GRIK4: variants seen among roughly 807,000 people sequenced by gnomAD.
The protein encoded by GRIK4 is glutamate receptor ionotropic, kainate 4.
In GRIK4, 40 loss-of-function variants were observed where a neutral mutation model predicts 104.9. The ratio of observed to expected loss-of-function variants is 0.38; its 90% CI spans 0.30 to 0.50. The LOEUF is 0.50. Among genes scored for constraint, GRIK4 ranks in the 20% least tolerant of loss-of-function variants. The probability of loss-of-function intolerance (pLI) is 0.93; values close to 1 mark genes in which losing one functional copy is unlikely to be tolerated. For synonymous variants in GRIK4, 485 were observed against 524.9 expected, an observed-to-expected ratio of 0.92 and a Z score of 1.04; for missense variants, 1,047 against 1,308.1, an observed-to-expected ratio of 0.80 and a Z score of 3.08.
At position 120,898,722 on chromosome 11, in the gene GRIK4, CA is replaced by C. The variant is rs1942652891; in HGVS notation, c.1272+84del. ...GAGCACTCACAGGCTGCCCCTTGAA[CA>C]GAAGATGGGAGCTCTAATCACAGCA... On this transcript the variant is annotated intron_variant, in intron 12 of 20. Transcript: ENST00000527524. 4 of 764,394 alleles carry C rather than the reference CA, an allele frequency of 5.2e-6. No individual in the cohort carries two copies. In the East Asian group the frequency reaches 1.0e-4, roughly 20 times the overall value. 47.4% of individuals were successfully genotyped at this position (764,394 alleles called of 1,614,324 possible). A position where few individuals can be genotyped will look rare whatever the true frequency, so the allele number is the denominator to read the frequency against.
At chr11:120,775,331 G>A (rs1237486185) in intron 3 of GRIK4, among the ~76,000 whole-genome samples, 1 of 152,204 alleles carries the variant, frequency 6.6e-6, no homozygotes, top group Non-Finnish European at 1.5e-5. Flanking sequence ...ATGACGGGGA[G>A]GAGGAGGAAG....
chr11:120,523,400 C>T (rs1349588228), intron 1 of GRIK4, among the ~76,000 whole-genome samples: 1 of 152,002 alleles, frequency 6.6e-6, no homozygotes, highest in African/African-American at 2.4e-5. Flanking sequence ...CTCTTGCCCT[C>T]AGCTCCTTTG....
At chr11:120,886,015 C>G (rs1955110071) in intron 11 of GRIK4, among the ~76,000 whole-genome samples, 2 of 152,202 alleles carry the variant, frequency 1.3e-5, no homozygotes, top group South Asian at 4.1e-4. Flanking sequence ...GGATGGAAGT[C>G]TGGGCAGGTC....
At chr11:120,710,393 C>T (rs1257883545) in intron 3 of GRIK4, among the ~76,000 whole-genome samples, 1 of 152,172 alleles carries the variant, frequency 6.6e-6, no homozygotes, top group Non-Finnish European at 1.5e-5. Context: ...AGTCAAGATA[C>T]AGTTCGGACC....
Position 120,956,894 on chromosome 11 carries a change from G to A in GRIK4, c.1815G>A (p.Met605Ile). Reference sequence around the variant, plus strand: ...TCTGGTTTCCGGTCGGGGGGTTCATGCAGCAAGGCTCCACCATCGCCCCTC... The same window carrying A: ...TCTGGTTTCCGGTCGGGGGGTTCATACAGCAAGGCTCCACCATCGCCCCTC... ...NSLWFPVGGFMQQGSTIAPRA... is the reference protein window; with the variant it reads ...NSLWFPVGGFIQQGSTIAPRA... Residue 605 changes from methionine to isoleucine, a missense_variant, in exon 16 of 21, where the codon ATG becomes ATA. Coordinates refer to ENST00000527524, the MANE Select transcript of GRIK4 (RefSeq NM_014619.5). This position sits in a 1 kb window ranked among gnomAD's most constrained non-coding sequence, Gnocchi z 4.6. The A allele has an allele frequency of 6.2e-7, 1 of 1,613,980 alleles. No individual in the cohort carries two copies. The highest frequency in any genetic ancestry group is 8.5e-7 in the Non-Finnish European group (1 of 1,179,958).
chr11:120,789,492 T>C (rs561305159), intron 3 of GRIK4, among the ~76,000 whole-genome samples: 1 of 152,244 alleles, frequency 6.6e-6, no homozygotes, highest in African/African-American at 2.4e-5. Flanking sequence ...CATTTCTCTT[T>C]CCTGGACTAT....
At chr11:120,859,960 G>A (rs4331110) in intron 8 of GRIK4, among the ~76,000 whole-genome samples, 71,332 of 152,154 alleles carry the variant, frequency 0.47, 17,499 homozygotes, top group African/African-American at 0.6. Flanking sequence ...GAGGCCTGTA[G>A]CCTGAGGCCT....
chr11:120,783,573 G>C (rs1051682838), intron 3 of GRIK4, among the ~76,000 whole-genome samples: 5 of 152,112 alleles, frequency 3.3e-5, no homozygotes, highest in Non-Finnish European at 5.9e-5. Flanking sequence ...AATTTTTAGA[G>C]TGGGTAATTG....
intron 3 of GRIK4, among the ~76,000 whole-genome samples, chr11:120,797,857 C>T (rs1319136711): frequency 6.6e-6 from 1 of 152,154 alleles, no homozygotes; most frequent in East Asian, 1.9e-4. Context: ...ACAAGATTCG[C>T]ACGTTCCCTA....
At chr11:120,657,100 AC>A (rs1248946264) in intron 2 of GRIK4, among the ~76,000 whole-genome samples, 2 of 152,222 alleles carry the variant, frequency 1.3e-5, no homozygotes, top group Admixed American at 6.5e-5. Flanking sequence ...CTGGATTATT[AC>A]AGTTTTTTTC....
intron 1 of GRIK4, among the ~76,000 whole-genome samples, chr11:120,538,605 A>G (rs1291195173): frequency 1.3e-5 from 2 of 152,214 alleles, no homozygotes; most frequent in Non-Finnish European, 2.9e-5. Context: ...GGCTGGGCAG[A>G]CTGCCTCGGG....
At chr11:120,945,142 C>G (rs1943827172) in intron 14 of GRIK4, among the ~76,000 whole-genome samples, 1 of 152,214 alleles carries the variant, frequency 6.6e-6, no homozygotes, top group African/African-American at 2.4e-5. Flanking sequence ...GCTCACTGCT[C>G]TTTTGTCAGG....
At chr11:120,802,595 CT>C (rs1432204505) in intron 3 of GRIK4, 97 bp from the exon 4 acceptor site, 1 of 1,045,630 alleles carries the variant, frequency 9.6e-7, no homozygotes, top group Non-Finnish European at 1.5e-6. Context: ...GGGGTGCTGC[CT>C]GGAAGAGGAA....
At chr11:120,552,331 G>A (rs1197503759) in intron 1 of GRIK4, among the ~76,000 whole-genome samples, 1 of 152,130 alleles carries the variant, frequency 6.6e-6, no homozygotes, top group East Asian at 1.9e-4. Flanking sequence ...CCACACATTT[G>A]GTCACAGAAG....
rs190497513 is a variant in GRIK4, at chr11:120,549,402, G to A, written c.-159+37515G>A. Reference sequence around the variant, plus strand: ...ATTATAGGCGTGAGCCACCGCGCCCGGCCTTGGCTGTTCTTTAATAGAAGG... The same window carrying A: ...ATTATAGGCGTGAGCCACCGCGCCCAGCCTTGGCTGTTCTTTAATAGAAGG... On this transcript the variant is annotated intron_variant, in intron 1 of 20. Coordinates refer to ENST00000527524, the MANE Select transcript of GRIK4 (RefSeq NM_014619.5). This position sits in a 1 kb window ranked among gnomAD's most constrained non-coding sequence, Gnocchi z 4.7. 1.1e-4 allele frequency among the ~76,000 whole-genome samples: 16 copies of A among 152,238 alleles called. No homozygotes were observed. The highest frequency in any genetic ancestry group is 3.9e-4 in the African/African-American group (16 of 41,526).
chr11:120,844,893 C>T lies in GRIK4; in HGVS notation c.744+8049C>T, dbSNP rs374573075. The stretch of plus-strand genomic sequence containing the variant: ...TTGGCACCAAGAATGATCACTGAGG[C>T]AGGGGAGGGCAGAAGAGTGCAAGGA... On this transcript the variant is annotated intron_variant, in intron 8 of 20. Transcript: ENST00000527524. Among the ~76,000 whole-genome samples the T allele has an allele frequency of 1.0e-3, 155 of 152,254 alleles. 2 individuals are homozygous for T. The South Asian group carries it at 0.032, about 31-fold the overall frequency.
intron 1 of GRIK4, chr11:120,515,087 TTA>T (rs1202212842): frequency 2.2e-6 from 1 of 455,320 alleles, no homozygotes; most frequent in Non-Finnish European, 4.4e-6. Flanking sequence ...GACCCCAACT[TTA>T]TGTCACAACG....
At chr11:120,965,107 T>G (rs1944360972) in intron 18 of GRIK4, among the ~76,000 whole-genome samples, 1 of 152,180 alleles carries the variant, frequency 6.6e-6, no homozygotes, top group African/African-American at 2.4e-5. Context: ...TTAAGTGGAA[T>G]GTAAGAGCCT....
At chr11:120,784,006 G>C (rs980106832) in intron 3 of GRIK4, among the ~76,000 whole-genome samples, 2 of 152,106 alleles carry the variant, frequency 1.3e-5, no homozygotes, top group South Asian at 2.1e-4. Flanking sequence ...GACAGGGAGC[G>C]AGGCAGGGTT....
Sources: gnomAD v4.1 joint callset for allele counts (sites outside exome capture counted in the v4.1 genomes callset) on GRCh38, gnomAD v4.1.1 for gene constraint, Gnocchi (gnomAD v3.1) non-coding constraint, MANE v1.5 for transcripts, NCBI Gene and HGNC (gene_info 2026-07-23, HGNC 2026-07-21) for gene names.